The following PPP2R5A variants were observed in gnomAD, a reference collection of about 807,000 sequenced individuals.
The protein encoded by PPP2R5A is protein phosphatase 2 regulatory subunit B'alpha, also known as serine/threonine-protein phosphatase 2A 56 kDa regulatory subunit alpha isoform.
In PPP2R5A, 25 loss-of-function variants were observed where a neutral mutation model predicts 64.2. That is an observed-to-expected ratio of 0.39 (90% CI 0.28 to 0.54). The LOEUF is 0.54. Ranked by LOEUF, PPP2R5A falls within the 20% of genes least tolerant of loss-of-function variation. The probability of loss-of-function intolerance (pLI) is 0.67; values close to 1 mark genes in which losing one functional copy is unlikely to be tolerated. For synonymous variants in PPP2R5A, 198 were observed against 201.2 expected (o/e 0.98, Z 0.13); for missense variants, 425 against 576.3 (o/e 0.74, Z 2.69).
chr1:212,349,322 GTTA>G (rs1659836120), intron 8 of PPP2R5A, 80 bp downstream of exon 8: 1 of 1,053,940 alleles, frequency 9.5e-7, no homozygotes, highest in Non-Finnish European at 1.4e-6. Flanking sequence ...AGCCTTTATA[GTTA>G]TTAAGTAGAA....
At chr1:212,318,108 T>C (rs760035457) in intron 1 of PPP2R5A, among the ~76,000 whole-genome samples, 1 of 152,248 alleles carries the variant, frequency 6.6e-6, no homozygotes, top group Non-Finnish European at 1.5e-5. Flanking sequence ...CCTAGAGTTA[T>C]CTTGAGTCAC....
At chr1:212,319,735 CT>C (rs1659229884) in intron 1 of PPP2R5A, among the ~76,000 whole-genome samples, 2 of 149,238 alleles carry the variant, frequency 1.3e-5, no homozygotes, top group African/African-American at 5.0e-5. Context: ...ATTCTCCTGT[CT>C]CAGTCTCCCG....
At chr1:212,290,048 GA>G (rs1278010964) in intron 1 of PPP2R5A, among the ~76,000 whole-genome samples, 1 of 152,312 alleles carries the variant, frequency 6.6e-6, no homozygotes, top group Middle Eastern at 3.4e-3. Context: ...TAAATAGCAA[GA>G]TAGGCTGAAA....
chr1:212,358,085 G>A (rs549369128), intron 11 of PPP2R5A: 1 of 152,410 alleles, frequency 6.6e-6, no homozygotes, highest in East Asian at 1.9e-4. Flanking sequence ...TTATAGGCAT[G>A]TACCACTGTG....
chr1:212,344,160 G>T (rs1301212394), intron 4 of PPP2R5A, among the ~76,000 whole-genome samples: 1 of 152,192 alleles, frequency 6.6e-6, no homozygotes, highest in Non-Finnish European at 1.5e-5. Flanking sequence ...TTTTAGTAGA[G>T]ACAGGGTTTT....
chr1:212,318,128 T>G (rs1659194341), intron 1 of PPP2R5A, among the ~76,000 whole-genome samples: 1 of 152,270 alleles, frequency 6.6e-6, no homozygotes, highest in East Asian at 1.9e-4. Context: ...CCCTTGGCCC[T>G]TGGCTTGAGG....
chr1:212,333,799 A>G (rs1462526439), intron 3 of PPP2R5A, among the ~76,000 whole-genome samples: 1 of 152,238 alleles, frequency 6.6e-6, no homozygotes, highest in Non-Finnish European at 1.5e-5. Flanking sequence ...TTTACCATTT[A>G]AACCATTTTG....
chr1:212,321,471 C>T lies in PPP2R5A; in HGVS notation c.182-7664C>T, dbSNP rs1345353958. 4.2e-4 allele frequency among the ~76,000 whole-genome samples: 59 copies of T among 140,256 alleles called. 2 individuals are homozygous for T. The highest frequency in any genetic ancestry group is 1.4e-3 in the African/African-American group (51 of 36,182). The allele number at this position is 140,256 out of a possible 152,430, so 92.0% of individuals were successfully genotyped here. ...GCGGAGGGGCTCCTCACTTCTCAGA[C>T]GGTGTGGCTGCCGGGCGGAGGGGCT... On this transcript the variant is annotated intron_variant, in intron 1 of 12. Coordinates refer to ENST00000261461, the MANE Select transcript of PPP2R5A (RefSeq NM_006243.4).
intron 1 of PPP2R5A, among the ~76,000 whole-genome samples, chr1:212,321,994 C>T (rs1037130736): frequency 2.6e-5 from 4 of 151,956 alleles, no homozygotes; most frequent in South Asian, 2.1e-4. Context: ...GAGACCAGCC[C>T]GGCCAACACA....
At position 212,360,681 on chromosome 1, in the gene PPP2R5A, T is replaced by A; in HGVS notation, c.1372T>A (p.Leu458Ile). 5.7e-6 allele frequency: 9 copies of A among 1,591,356 alleles called. No homozygotes were observed. The highest frequency in any genetic ancestry group is 7.7e-6 in the Non-Finnish European group (9 of 1,168,976). Residue 458 changes from leucine to isoleucine, a missense_variant, in exon 13 of 13, where the codon TTA (leucine) becomes ATA (isoleucine). Leu to Ile is a conservative substitution (Grantham distance 5, BLOSUM62 2). Coordinates refer to ENST00000261461, the MANE Select transcript of PPP2R5A (RefSeq NM_006243.4). The stretch of plus-strand genomic sequence containing the variant: ...GGAACGTGAAGAATTATGGAAAAAA[T>A]TAGAGGAGCTAAAGCTAAAGAAAGC... ...ELEREELWKK[L>I]EELKLKKALE...
intron 1 of PPP2R5A, chr1:212,297,832 A>ATTTTTTC (rs1658728169): frequency 8.7e-5 from 1 of 11,550 alleles, no homozygotes; most frequent in East Asian, 1.3e-3. Flanking sequence ...TTTCTTTTTT[A>ATTTTTTC]TTTTTATTGA....
At chr1:212,333,775 A>G (rs1056505368) in intron 3 of PPP2R5A, among the ~76,000 whole-genome samples, 177 bp downstream of exon 3, 1 of 152,208 alleles carries the variant, frequency 6.6e-6, no homozygotes, top group Non-Finnish European at 1.5e-5. Flanking sequence ...GTAATAAAAT[A>G]CACTTAACAT....
intron 8 of PPP2R5A, among the ~76,000 whole-genome samples, chr1:212,350,683 A>T (rs1199787113): frequency 6.6e-6 from 1 of 152,052 alleles, no homozygotes; most frequent in Non-Finnish European, 1.5e-5. Context: ...GTAAAACCTT[A>T]ATACAAATCT....
intron 1 of PPP2R5A, among the ~76,000 whole-genome samples, chr1:212,293,001 C>T (rs980237914): frequency 1.3e-5 from 2 of 152,186 alleles, no homozygotes; most frequent in Non-Finnish European, 2.9e-5. Context: ...CCTCGTCCTT[C>T]TTTTCTGCTT....
At chr1:212,307,131 C>G (rs1419337266) in intron 1 of PPP2R5A, among the ~76,000 whole-genome samples, 1 of 152,004 alleles carries the variant, frequency 6.6e-6, no homozygotes, top group Non-Finnish European at 1.5e-5. Context: ...TTTCCGTTTT[C>G]TCTGTCCCTC....
At chr1:212,354,859 G>C (rs1659951391) in intron 8 of PPP2R5A, among the ~76,000 whole-genome samples, 1 of 152,174 alleles carries the variant, frequency 6.6e-6, no homozygotes, top group African/African-American at 2.4e-5. Context: ...ACTGCCTACA[G>C]TGCCTACGGT....
chr1:212,315,422 A>G (rs1659127435), intron 1 of PPP2R5A, among the ~76,000 whole-genome samples: 1 of 152,232 alleles, frequency 6.6e-6, no homozygotes, highest in Admixed American at 6.5e-5. Context: ...GTAGTCAGAT[A>G]TATATTACAC....
intron 1 of PPP2R5A, among the ~76,000 whole-genome samples, chr1:212,315,825 TC>T (rs1659140118): frequency 6.6e-6 from 1 of 152,238 alleles, no homozygotes; most frequent in African/African-American, 2.4e-5. Flanking sequence ...GTCCCATTTT[TC>T]CAATAGCATG....
intron 1 of PPP2R5A, among the ~76,000 whole-genome samples, chr1:212,328,025 G>C (rs1659437446): frequency 6.6e-6 from 1 of 152,244 alleles, no homozygotes; most frequent in African/African-American, 2.4e-5. Flanking sequence ...ATGTTGGCAA[G>C]GCTGGTCTCG....
Sources: allele counts gnomAD v4.1 joint callset (sites outside exome capture counted in the v4.1 genomes callset), GRCh38; gene constraint gnomAD v4.1.1; transcripts MANE v1.5; gene names NCBI Gene and HGNC (gene_info 2026-07-23, HGNC 2026-07-21).